The following P3H2 variants were observed in gnomAD, a reference collection of about 807,000 sequenced individuals.
P3H2 encodes prolyl 3-hydroxylase 2.
In P3H2, 80 loss-of-function variants were observed where a neutral mutation model predicts 87.0. The ratio of observed to expected loss-of-function variants is 0.92; its 90% confidence interval spans 0.77 to 1.11. The LOEUF (loss-of-function observed/expected upper bound fraction) is 1.11, where lower values mean the gene tolerates loss of function less well. P3H2 is among the 50% of genes least tolerant of loss of function. The pLI is 0.00. For synonymous variants in P3H2, 367 were observed against 359.3 expected (o/e 1.02, Z -0.24); for missense variants, 1,001 against 923.9 (o/e 1.08, Z -1.08).
At position 190,069,950 on chromosome 3, in the gene P3H2, GT is replaced by G. The variant is rs559020113; in HGVS notation, c.480+50301del. Among the ~76,000 whole-genome samples, 871 of 147,238 alleles carry G rather than the reference GT, an allele frequency of 5.9e-3. 6 individuals carry two copies. Among genetic ancestry groups the G allele is most frequent in the African/African-American group, 0.013 (514 of 40,428 alleles). The stretch of plus-strand genomic sequence containing the variant: ...AGGTAAAGCCAGCAAGTGTAGACAA[GT>G]TTTTTTTTTTTTTCTTCTTCTTCTT... On this transcript the variant is annotated intron_variant, in intron 1 of 14. Coordinates refer to ENST00000319332, the MANE Select transcript of P3H2 (RefSeq NM_018192.4).
chr3:190,023,584 A>G (rs1724998292), intron 1 of P3H2, among the ~76,000 whole-genome samples: 1 of 152,190 alleles, frequency 6.6e-6, no homozygotes, highest in African/African-American at 2.4e-5. Flanking sequence ...AACTGCCCCC[A>G]TGACTCAATT....
At position 190,075,286 on chromosome 3, in the gene P3H2, G is replaced by A. The variant is rs545460948; in HGVS notation, c.480+44966C>T. On this transcript the variant is annotated intron_variant, in intron 1 of 14. Coordinates refer to ENST00000319332, the MANE Select transcript of P3H2 (RefSeq NM_018192.4). ...GGATCACCTGAGATCAGGAGTTCGA[G>A]ACCAGCCTGCCCAACATGGTGAAAC... Among the ~76,000 whole-genome samples, 35 of 152,266 alleles carry A rather than the reference G, an allele frequency of 2.3e-4. No individual in the cohort carries two copies. The East Asian group carries it at 6.6e-3, about 29-fold the overall frequency.
chr3:190,021,433 T>C (rs1724924236), intron 1 of P3H2, among the ~76,000 whole-genome samples: 1 of 135,468 alleles, frequency 7.4e-6, no homozygotes, highest in Non-Finnish European at 1.7e-5. Context: ...AATTTTTTGT[T>C]CTGTAACAAA....
intron 1 of P3H2, among the ~76,000 whole-genome samples, chr3:190,056,329 T>C (rs1233246697): frequency 6.6e-6 from 1 of 152,180 alleles, no homozygotes; most frequent in African/African-American, 2.4e-5. Context: ...GCTGTCCCCC[T>C]GATAGAGACC....
intron 3 of P3H2, among the ~76,000 whole-genome samples, chr3:189,991,560 C>G (rs1015737991): frequency 1.3e-5 from 2 of 152,212 alleles, no homozygotes; most frequent in African/African-American, 4.8e-5. Context: ...CTATTTGCCA[C>G]TCACTCTTCT....
intron 1 of P3H2, among the ~76,000 whole-genome samples, chr3:190,050,534 T>G (rs1725948759): frequency 6.6e-6 from 1 of 152,196 alleles, no homozygotes; most frequent in African/African-American, 2.4e-5. Context: ...CTGGAAGGCA[T>G]GTCTTATCAT....
chr3:190,050,406 C>T (rs764472051), intron 1 of P3H2, among the ~76,000 whole-genome samples: 2 of 152,166 alleles, frequency 1.3e-5, no homozygotes, highest in Non-Finnish European at 2.9e-5. Flanking sequence ...TCAAATTAAT[C>T]CTCTCTACTT....
chr3:190,055,201 T>C (rs1726111857), intron 1 of P3H2, among the ~76,000 whole-genome samples: 1 of 152,166 alleles, frequency 6.6e-6, no homozygotes, highest in Non-Finnish European at 1.5e-5. Flanking sequence ...CATCTTACAA[T>C]CGGGAATAAC....
chr3:190,041,513 C>G (rs1725636202), intron 1 of P3H2, among the ~76,000 whole-genome samples: 1 of 152,092 alleles, frequency 6.6e-6, no homozygotes, highest in Non-Finnish European at 1.5e-5. Context: ...AGAATGCAAA[C>G]TAGTACTTCA....
chr3:190,013,145 G>A (rs998227466), intron 1 of P3H2, among the ~76,000 whole-genome samples: 10 of 152,136 alleles, frequency 6.6e-5, no homozygotes, highest in East Asian at 5.8e-4. Context: ...TGTGCTCTTC[G>A]ATATATATTG....
intron 13 of P3H2, chr3:189,969,451 A>G: frequency 1.1e-6 from 1 of 871,026 alleles, no homozygotes; most frequent in Non-Finnish European, 2.0e-6. Context: ...CCATTGGAAT[A>G]TGGCACACTC....
chr3:190,095,838 G>A (rs1001166364), intron 1 of P3H2, among the ~76,000 whole-genome samples: 2 of 151,960 alleles, frequency 1.3e-5, no homozygotes, highest in South Asian at 2.1e-4. Flanking sequence ...TCCTGACCTC[G>A]TGATTCGCCC....
intron 1 of P3H2, among the ~76,000 whole-genome samples, chr3:190,065,453 AT>A (rs1354190183): frequency 6.6e-6 from 1 of 152,196 alleles, no homozygotes; most frequent in African/African-American, 2.4e-5. Flanking sequence ...TGAACTTTAT[AT>A]GAGAAATAAA....
intron 1 of P3H2, among the ~76,000 whole-genome samples, chr3:190,020,464 G>C (rs1724900106): frequency 7.5e-6 from 1 of 134,078 alleles, no homozygotes; most frequent in Non-Finnish European, 1.7e-5. Flanking sequence ...CCCAAATATA[G>C]TATTAATATC....
chr3:190,043,715 G>T (rs1379299254), intron 1 of P3H2, among the ~76,000 whole-genome samples: 1 of 152,246 alleles, frequency 6.6e-6, no homozygotes. Context: ...TACTGTTGTT[G>T]ATATCAATCA....
intron 6 of P3H2, among the ~76,000 whole-genome samples, chr3:189,984,806 C>A (rs1723641683): frequency 6.6e-6 from 1 of 152,118 alleles, no homozygotes; most frequent in Non-Finnish European, 1.5e-5. Flanking sequence ...AAATGAAATA[C>A]AAGTCGAGTT....
chr3:189,969,816 C>A, intron 13 of P3H2: 1 of 1,600,024 alleles, frequency 6.2e-7, no homozygotes, highest in East Asian at 2.2e-5. Flanking sequence ...CCTGTTCCAC[C>A]AATTATTCCA....
chr3:189,982,961 G>A, intron 8 of P3H2, 85 bp downstream of exon 8: 1 of 987,960 alleles, frequency 1.0e-6, no homozygotes, highest in Non-Finnish European at 1.6e-6. Flanking sequence ...GAGAAAGTGG[G>A]TTCTTCCTTG....
chr3:190,056,194 C>T (rs1439543561), intron 1 of P3H2, among the ~76,000 whole-genome samples: 3 of 152,164 alleles, frequency 2.0e-5, no homozygotes, highest in African/African-American at 7.2e-5. Context: ...AGAAACTAAA[C>T]CACCTGGAAC....
Sources: gnomAD v4.1 joint callset for allele counts (sites outside exome capture counted in the v4.1 genomes callset) on GRCh38, gnomAD v4.1.1 for gene constraint, MANE v1.5 for transcripts, NCBI Gene and HGNC (gene_info 2026-07-23, HGNC 2026-07-21) for gene names.